KLHL12: variants seen among roughly 807,000 people sequenced by gnomAD.
KLHL12 encodes the protein kelch-like protein 12.
KLHL12 carries 17 observed loss-of-function variants against 60.8 expected under a neutral mutation model. That is an observed-to-expected ratio of 0.28 (90% CI 0.19 to 0.42). The LOEUF is 0.42. Among genes scored for constraint, KLHL12 ranks in the 10% least tolerant of loss-of-function variants. The pLI, the probability that KLHL12 is intolerant of heterozygous loss-of-function variation, is 1.00. For missense variants in KLHL12, 468 were observed against 722.3 expected (o/e 0.65, Z 4.04); for synonymous variants, 220 against 250.9 (o/e 0.88, Z 1.16).
intron 5 of KLHL12, among the ~76,000 whole-genome samples, chr1:202,910,242 G>GT (rs1660313771): frequency 6.6e-6 from 1 of 152,228 alleles, no homozygotes; most frequent in Non-Finnish European, 1.5e-5. Flanking sequence ...AGTTCACAGA[G>GT]TAAGTGGTGA....
chr1:202,909,129 A>G lies in KLHL12; in HGVS notation c.718-5T>C. 1 of 1,590,690 alleles carries G rather than the reference A, an allele frequency of 6.3e-7. No homozygotes were observed. The highest frequency in any genetic ancestry group is 8.6e-7 in the Non-Finnish European group (1 of 1,158,934). On this transcript the variant is annotated splice_polypyrimidine_tract_variant and splice_region_variant and intron_variant, in intron 5 of 11. Transcript: ENST00000367261. The surrounding 1 kb of genome is among the most constrained non-coding windows in gnomAD (Gnocchi z 4.1). ...TAAACTACAGCGGATGAAAGGCTGA[A>G]ATATAGCAGACAGCAGAGTTAGGCA...
In KLHL12 at chr1:202,921,216, C is replaced by T. The variant is rs550498253; in HGVS notation, c.196-1308G>A. Among the ~76,000 whole-genome samples the T allele has an allele frequency of 3.3e-3, 493 of 151,326 alleles. 2 individuals carry two copies. Among genetic ancestry groups the T allele is most frequent in the African/African-American group, 0.011 (472 of 41,332 alleles). ...TTTTGACACAGTCTTGCTCTGTTGC[C>T]CAGGCTGGAGTGCAGTGGCGTAATC... On this transcript the variant is annotated intron_variant, in intron 2 of 11. Transcript: ENST00000367261.
At chr1:202,906,791 A>T (rs902840443) in intron 6 of KLHL12, among the ~76,000 whole-genome samples, 1 of 152,036 alleles carries the variant, frequency 6.6e-6, no homozygotes, top group Non-Finnish European at 1.5e-5. Flanking sequence ...CCTCCAGAGT[A>T]GCTGGGATTA....
chr1:202,894,535 C>T lies in KLHL12; in HGVS notation c.1294+56G>A, dbSNP rs189056712. 4.5e-5 allele frequency: 70 copies of T among 1,565,350 alleles called. No individual in the cohort carries two copies. In the Admixed American group the frequency reaches 1.2e-3, roughly 26 times the overall value. On this transcript the variant is annotated intron_variant, in intron 9 of 11. Transcript: ENST00000367261. ...TCATTTTGGTAAAAAGGAATCCTTACCCACAGCCCATTACCCATTGAGTTC... is the reference window on the plus strand; with the variant it reads ...TCATTTTGGTAAAAAGGAATCCTTATCCACAGCCCATTACCCATTGAGTTC...
At chr1:202,917,202 A>G (rs1388759825) in intron 4 of KLHL12, among the ~76,000 whole-genome samples, 2 of 152,062 alleles carry the variant, frequency 1.3e-5, no homozygotes, top group Non-Finnish European at 2.9e-5. Context: ...TCCCCCTGGT[A>G]GGTGAAGTAT....
chr1:202,920,047 C>T (rs1475330189), intron 2 of KLHL12, 139 bp from the exon 3 acceptor site: 4 of 758,232 alleles, frequency 5.3e-6, no homozygotes, highest in Non-Finnish European at 8.3e-6. Context: ...GGCGTGGTGG[C>T]TCATGCCTGT....
chr1:202,905,700 C>G (rs1461603877), intron 6 of KLHL12, among the ~76,000 whole-genome samples: 2 of 152,174 alleles, frequency 1.3e-5, no homozygotes, highest in Non-Finnish European at 2.9e-5. Context: ...TCAGAAACCC[C>G]AAATCCAAAA....
chr1:202,927,215 C>A lies in KLHL12; in HGVS notation c.-172G>T, dbSNP rs943556031. On this transcript the variant is annotated 5_prime_UTR_variant, in exon 1 of 12. Coordinates refer to ENST00000367261, the MANE Select transcript of KLHL12 (RefSeq NM_021633.4). Reference sequence around the variant, plus strand: ...CGCCCAGACCCGGAGGCTCTGGAGGCTCTGGAGCCGTCCGGGTCTGGCCCC... The same window carrying A: ...CGCCCAGACCCGGAGGCTCTGGAGGATCTGGAGCCGTCCGGGTCTGGCCCC... 8 of 985,274 alleles carry A rather than the reference C, an allele frequency of 8.1e-6. No homozygotes were observed. Among genetic ancestry groups the A allele is most frequent in the Admixed American group, 6.1e-5 (1 of 16,282 alleles). 61.0% of individuals were successfully genotyped at this position (985,274 alleles called of 1,614,324 possible).
At position 202,901,080 on chromosome 1, in the gene KLHL12, A is replaced by G. The variant is rs182015665; in HGVS notation, c.833-4120T>C. Among the ~76,000 whole-genome samples the G allele has an allele frequency of 3.9e-5, 6 of 152,292 alleles. No individual in the cohort carries two copies. In the East Asian group the frequency reaches 1.2e-3, roughly 29 times the overall value. On this transcript the variant is annotated intron_variant, in intron 6 of 11. Transcript: ENST00000367261. Reference sequence around the variant, plus strand: ...AAAGAAAAAACCCCTCTCTTTCTTGATATGATTTCATTCAGGCACCTTTTG... The same window carrying G: ...AAAGAAAAAACCCCTCTCTTTCTTGGTATGATTTCATTCAGGCACCTTTTG...
At position 202,924,939 on chromosome 1, in the gene KLHL12, C is replaced by G. The variant is rs770285405; in HGVS notation, c.195+29G>C. On this transcript the variant is annotated intron_variant, in intron 2 of 11. Transcript: ENST00000367261. ...TAGACAACTAGAGTTCCACGGGTTT[C>G]ATTTGTGTGGGGCTAATTTACCACT... 1.3e-5 allele frequency: 20 copies of G among 1,598,522 alleles called. No individual in the cohort carries two copies. The Admixed American group carries it at 3.3e-4, about 26-fold the overall frequency.
chr1:202,912,207 G>T, intron 4 of KLHL12: 1 of 1,052,268 alleles, frequency 9.5e-7, no homozygotes, highest in Non-Finnish European at 1.5e-6. Flanking sequence ...TGGAAAAACG[G>T]AAGTGATTGA....
intron 7 of KLHL12, 45 bp downstream of exon 7, chr1:202,896,809 G>T: frequency 1.4e-6 from 2 of 1,384,684 alleles, no homozygotes; most frequent in Non-Finnish European, 2.1e-6. Context: ...CAGAGACTGA[G>T]GACATTTAAC....
chr1:202,911,410 T>TAA (rs67830135), intron 4 of KLHL12, among the ~76,000 whole-genome samples: 51 of 87,720 alleles, frequency 5.8e-4, no homozygotes, highest in Admixed American at 1.4e-3. Context: ...CAATTTGGGT[T>TAA]AAAAAAAAAA....
intron 6 of KLHL12, among the ~76,000 whole-genome samples, chr1:202,901,168 T>C (rs1212667596): frequency 1.3e-5 from 2 of 152,352 alleles, no homozygotes; most frequent in East Asian, 3.9e-4. Flanking sequence ...TAACTGACAG[T>C]ACTTCCTGTT....
chr1:202,920,446 G>A (rs370921211), intron 2 of KLHL12, among the ~76,000 whole-genome samples: 4 of 116,968 alleles, frequency 3.4e-5, no homozygotes, highest in Non-Finnish European at 4.9e-5. Context: ...GTGCCATCTC[G>A]GCTCACTGCA....
intron 6 of KLHL12, among the ~76,000 whole-genome samples, chr1:202,902,179 C>G (rs999313739): frequency 1.1e-4 from 17 of 152,180 alleles, no homozygotes; most frequent in African/African-American, 3.9e-4. Context: ...CGCCTGTAAT[C>G]CCAGCACTTT....
At chr1:202,910,763 G>A (rs1265892169) in intron 5 of KLHL12, among the ~76,000 whole-genome samples, 1 of 152,066 alleles carries the variant, frequency 6.6e-6, no homozygotes, top group Non-Finnish European at 1.5e-5. Flanking sequence ...TGGAGAAGGG[G>A]ACAAAGTTTA....
rs1285928557 is a variant in KLHL12 at position 202,900,466 on chromosome 1, CT to C, written c.833-3507del. On this transcript the variant is annotated intron_variant, in intron 6 of 11. Transcript: ENST00000367261. The stretch of plus-strand genomic sequence containing the variant: ...TCCTGAGGCTGACATGGGAGGATCA[CT>C]TAAGTCCAGGAGGTTAAGGCTGCAG... 1.6e-4 allele frequency among the ~76,000 whole-genome samples: 25 copies of C among 152,066 alleles called. 1 individual carries two copies. The highest frequency in any genetic ancestry group is 6.6e-5 in the Admixed American group (1 of 15,244).
chr1:202,921,248 C>T (rs1660690089), intron 2 of KLHL12, among the ~76,000 whole-genome samples: 1 of 151,708 alleles, frequency 6.6e-6, no homozygotes, highest in South Asian at 2.1e-4. Context: ...AATCTTGGCT[C>T]ACTTCAAGCT....
Sources: gnomAD v4.1 joint callset for allele counts (sites outside exome capture counted in the v4.1 genomes callset) on GRCh38, gnomAD v4.1.1 for gene constraint, Gnocchi (gnomAD v3.1) non-coding constraint, MANE v1.5 for transcripts, NCBI Gene and HGNC (gene_info 2026-07-23, HGNC 2026-07-21) for gene names.